RSU1: variants seen among roughly 807,000 people sequenced by gnomAD.
RSU1 encodes the protein rsu-1.
A neutral mutation model predicts 31.1 loss-of-function variants in RSU1; 26 were observed. The observed-to-expected ratio is 0.84, with a 90% CI of 0.61 to 1.16. RSU1 has a LOEUF of 1.16. Ranked by LOEUF, RSU1 falls within the 50% of genes most tolerant of loss-of-function variation. The pLI, the probability that RSU1 is intolerant of heterozygous loss-of-function variation, is 0.00. For missense variants in RSU1, 320 were observed against 339.1 expected, an observed-to-expected ratio of 0.94 and a Z score of 0.44; for synonymous variants, 164 against 136.3, an observed-to-expected ratio of 1.20 and a Z score of -1.41.
intron 8 of RSU1, among the ~76,000 whole-genome samples, chr10:16,642,081 C>G (rs1834452266): frequency 6.6e-6 from 1 of 151,960 alleles, no homozygotes; most frequent in South Asian, 2.1e-4. Context: ...GATATGGAAA[C>G]AGAGATGGAA....
At chr10:16,780,791 CA>C (rs1273779932) in intron 3 of RSU1, among the ~76,000 whole-genome samples, 1 of 152,170 alleles carries the variant, frequency 6.6e-6, no homozygotes, top group African/African-American at 2.4e-5. Context: ...CCCAGAAAAA[CA>C]ATGGAACCGG....
At chr10:16,804,258 C>A (rs751608062) in intron 2 of RSU1, among the ~76,000 whole-genome samples, 2 of 152,106 alleles carry the variant, frequency 1.3e-5, no homozygotes, top group African/African-American at 2.4e-5. Context: ...CAAATGGAAA[C>A]AATGAGATAC....
Position 16,591,066 on chromosome 10 carries a change from G to C in RSU1, c.*2328C>G, listed in dbSNP as rs963199007. The C allele has an allele frequency of 6.6e-6, 1 of 152,072 alleles. No homozygotes were observed. The highest frequency in any genetic ancestry group is 1.5e-5 in the Non-Finnish European group (1 of 68,044). The allele number at this position is 152,072 out of a possible 1,614,324, so 9.4% of individuals were successfully genotyped here. ...AGCTGGGACTACAGGCGCATGCTGC[G>C]ACGCCCGGCTAATTTTTTGTATTTT... On this transcript the variant is annotated 3_prime_UTR_variant, in exon 9 of 9. Transcript: ENST00000345264.
intron 8 of RSU1, among the ~76,000 whole-genome samples, chr10:16,674,541 A>G (rs1835187307): frequency 6.6e-6 from 1 of 152,062 alleles, no homozygotes; most frequent in South Asian, 2.1e-4. Flanking sequence ...CTGAGGACAG[A>G]GCAGTGTACA....
At chr10:16,694,813 G>A (rs1835639751) in intron 8 of RSU1, among the ~76,000 whole-genome samples, 1 of 152,076 alleles carries the variant, frequency 6.6e-6, no homozygotes, top group Non-Finnish European at 1.5e-5. Flanking sequence ...CTGGGCTCAA[G>A]CAATCCTCTA....
At chr10:16,730,459 A>T (rs1836485602) in intron 7 of RSU1, among the ~76,000 whole-genome samples, 1 of 152,194 alleles carries the variant, frequency 6.6e-6, no homozygotes. Context: ...AGTGTCTTGG[A>T]CAACGGTCTG....
At chr10:16,653,549 T>G (rs1834722989) in intron 8 of RSU1, among the ~76,000 whole-genome samples, 2 of 152,270 alleles carry the variant, frequency 1.3e-5, no homozygotes, top group South Asian at 4.1e-4. Flanking sequence ...TTTTTTTTCT[T>G]AAATATTCAT....
At chr10:16,629,359 T>C (rs993405824) in intron 8 of RSU1, among the ~76,000 whole-genome samples, 1 of 152,104 alleles carries the variant, frequency 6.6e-6, no homozygotes, top group Non-Finnish European at 1.5e-5. Context: ...TCTCTACCTG[T>C]GCCAAGAGGG....
At chr10:16,753,592 A>C (rs1285478000) in intron 5 of RSU1, among the ~76,000 whole-genome samples, 1 of 152,234 alleles carries the variant, frequency 6.6e-6, no homozygotes, top group Non-Finnish European at 1.5e-5. Flanking sequence ...AGGCTAAAAT[A>C]ATGACATGAA....
At chr10:16,666,998 C>CAA (rs141844793) in intron 8 of RSU1, among the ~76,000 whole-genome samples, 3 of 150,756 alleles carry the variant, frequency 2.0e-5, no homozygotes, top group African/African-American at 7.3e-5. Flanking sequence ...GACTCCGCAT[C>CAA]AAAAAAAACC....
At chr10:16,809,581 C>T (rs1421242905) in intron 2 of RSU1, among the ~76,000 whole-genome samples, 3 of 152,092 alleles carry the variant, frequency 2.0e-5, no homozygotes, top group Non-Finnish European at 4.4e-5. Flanking sequence ...TTACATCATC[C>T]TTTGGTTTAA....
At chr10:16,799,742 G>T (rs940568567) in intron 2 of RSU1, among the ~76,000 whole-genome samples, 1 of 152,120 alleles carries the variant, frequency 6.6e-6, no homozygotes, top group African/African-American at 2.4e-5. Context: ...CAGAGCCTAG[G>T]CTACCTGGGA....
chr10:16,717,446 T>C (rs1836166552), intron 7 of RSU1, among the ~76,000 whole-genome samples: 1 of 152,240 alleles, frequency 6.6e-6, no homozygotes, highest in African/African-American at 2.4e-5. Flanking sequence ...TGCATTTTAA[T>C]GCATTTTCAT....
intron 4 of RSU1, among the ~76,000 whole-genome samples, chr10:16,762,608 C>G (rs2131629658): frequency 6.6e-6 from 1 of 152,060 alleles, no homozygotes; most frequent in Middle Eastern, 3.5e-3. Flanking sequence ...GCCCATGGAT[C>G]TCATAAAGTT....
intron 8 of RSU1, among the ~76,000 whole-genome samples, chr10:16,596,402 T>C (rs970839745): frequency 6.6e-6 from 1 of 152,144 alleles, no homozygotes; most frequent in Non-Finnish European, 1.5e-5. Flanking sequence ...CTCCGAAACA[T>C]GCGTACTCCT....
intron 2 of RSU1, among the ~76,000 whole-genome samples, chr10:16,800,291 C>T (rs139164569): frequency 1.1e-4 from 17 of 152,148 alleles, no homozygotes; most frequent in East Asian, 9.7e-4. Context: ...TATCTGACTG[C>T]GACTTTAAAA....
intron 8 of RSU1, among the ~76,000 whole-genome samples, chr10:16,608,573 A>G (rs973878713): frequency 6.6e-6 from 1 of 152,068 alleles, no homozygotes; most frequent in African/African-American, 2.4e-5. Context: ...GGCAAATACT[A>G]TCCACAAACA....
intron 8 of RSU1, among the ~76,000 whole-genome samples, chr10:16,638,520 C>A (rs1370288268): frequency 1.3e-5 from 2 of 152,190 alleles, no homozygotes; most frequent in Non-Finnish European, 2.9e-5. Context: ...GTGTTAGTTT[C>A]TTTGCTTCCG....
rs754749876 is a variant in RSU1 at position 16,754,890 on chromosome 10, A to G, written c.381T>C (p.Pro127=). The G allele has an allele frequency of 6.8e-6, 11 of 1,609,206 alleles. No homozygotes were observed. The East Asian group carries it at 2.5e-4, about 36-fold the overall frequency. The part of the protein sequence containing the change: ...TYNNLSENSL[P]GNFFYLTTLR... ...TCTTACTCAGGTAGAAGAAGTTTCC[A>G]GGAAGAGAATTTTCGCTCAAGTTGT... is the stretch of plus-strand genomic sequence containing the variant. The change falls in exon 5 of 9, where the codon CCT becomes CCC. Residue 127 remains proline (P), a synonymous_variant. Coordinates refer to ENST00000345264, the MANE Select transcript of RSU1 (RefSeq NM_012425.4).
Sources: gnomAD v4.1 joint callset for allele counts (sites outside exome capture counted in the v4.1 genomes callset) on GRCh38, gnomAD v4.1.1 for gene constraint, MANE v1.5 for transcripts, NCBI Gene and HGNC (gene_info 2026-07-23, HGNC 2026-07-21) for gene names.